The following PRDM16 variants were observed in gnomAD, a reference collection of about 807,000 sequenced individuals.
PRDM16 encodes histone-lysine N-methyltransferase PRDM16.
Under a neutral mutation model 110.6 loss-of-function variants are expected in PRDM16, and 23 were observed. The observed-to-expected ratio is 0.21, with a 90% CI of 0.15 to 0.29. PRDM16 has a LOEUF of 0.29. Ranked by LOEUF, PRDM16 falls within the 10% of genes least tolerant of loss-of-function variation. The pLI, the probability that PRDM16 is intolerant of heterozygous loss-of-function variation, is 1.00. For missense variants in PRDM16, 1,615 were observed against 1,794.3 expected, an observed-to-expected ratio of 0.90 and a Z score of 1.81; for synonymous variants, 799 against 781.8, an observed-to-expected ratio of 1.02 and a Z score of -0.37.
chr1:3,149,155 G>A (rs895861311), intron 1 of PRDM16, among the ~76,000 whole-genome samples: 5 of 152,328 alleles, frequency 3.3e-5, no homozygotes, highest in Admixed American at 2.0e-4. Flanking sequence ...CAAGCCTGGG[G>A]GTGGGGGGCA....
rs748918899 is a variant in PRDM16 at position 3,339,311 on chromosome 1, C to T, written c.439-45841C>T. On this transcript the variant is annotated intron_variant, in intron 3 of 16. Transcript: ENST00000270722. This position sits in a 1 kb window ranked among gnomAD's most constrained non-coding sequence, Gnocchi z 5.0. ...CCTGCTTGTCTCGGTATCCCTGGCCCTTGCCCAGGGTGAGGCACAGGGTGG... is the reference window on the plus strand; with the variant it reads ...CCTGCTTGTCTCGGTATCCCTGGCCTTTGCCCAGGGTGAGGCACAGGGTGG... Among the ~76,000 whole-genome samples, 6 of 152,080 alleles carry T rather than the reference C, an allele frequency of 3.9e-5. No homozygotes were observed. The highest frequency in any genetic ancestry group is 8.8e-5 in the Non-Finnish European group (6 of 68,016).
intron 1 of PRDM16, among the ~76,000 whole-genome samples, chr1:3,073,881 G>T (rs1641826981): frequency 6.6e-6 from 1 of 152,122 alleles, no homozygotes; most frequent in African/African-American, 2.4e-5. Context: ...GAGGAGGGCG[G>T]CCTCCGCGTC....
At chr1:3,352,664 C>T (rs565009224) in intron 3 of PRDM16, among the ~76,000 whole-genome samples, 2 of 152,360 alleles carry the variant, frequency 1.3e-5, no homozygotes, top group Non-Finnish European at 2.9e-5. Flanking sequence ...GCCTAATGCA[C>T]GGTATTAATC....
intron 2 of PRDM16, among the ~76,000 whole-genome samples, chr1:3,191,744 T>G (rs762236830): frequency 1.2e-4 from 18 of 152,054 alleles, no homozygotes; most frequent in Non-Finnish European, 2.2e-4. Flanking sequence ...AGGATGACGA[T>G]GGAGTGGGGT....
chr1:3,238,297 C>T (rs1028665854), intron 2 of PRDM16, among the ~76,000 whole-genome samples: 1 of 152,094 alleles, frequency 6.6e-6, no homozygotes. Flanking sequence ...CTGTGCATTT[C>T]AGGACGGGCT....
Position 3,414,541 on chromosome 1 carries a change from C to T in PRDM16, c.2604-19C>T. On this transcript the variant is annotated intron_variant, in intron 9 of 16. Transcript: ENST00000270722. ...CGGGCGGCTCGGTGGGGTACGTAACCCTCTGTGCTGTTGTCCAGCAGGGTA... is the reference window on the plus strand; with the variant it reads ...CGGGCGGCTCGGTGGGGTACGTAACTCTCTGTGCTGTTGTCCAGCAGGGTA... 6.2e-7 allele frequency: 1 copy of T among 1,604,912 alleles called. No homozygotes were observed. The highest frequency in any genetic ancestry group is 1.1e-5 in the South Asian group (1 of 90,474).
chr1:3,095,787 G>A (rs574139485), intron 1 of PRDM16, among the ~76,000 whole-genome samples: 42 of 152,128 alleles, frequency 2.8e-4, no homozygotes, highest in African/African-American at 1.0e-3. Context: ...GATGTATGGG[G>A]GTCCATCTGC....
rs2100647874 is a variant in PRDM16 at position 3,405,595 on chromosome 1, C to T, written c.1133C>T (p.Ser378Phe). ...GACTGCGGGAAGACCTTCGCCACGT[C>T]CTCCGGCCTCAAGCAGCACAAGCAT... ...CPDCGKTFAT[S>F]SGLKQHKHIH... is the part of the protein sequence containing the mutation. The change falls in exon 8 of 17, where the codon TCC (serine) becomes TTC (phenylalanine). Residue 378 changes from serine to phenylalanine, a missense_variant. This residue lies in a region of PRDM16 where 82 missense variants were observed against 144.4 expected (regional missense o/e 0.57). Coordinates refer to ENST00000270722, the MANE Select transcript of PRDM16 (RefSeq NM_022114.4). The T allele has an allele frequency of 1.2e-6, 2 of 1,611,542 alleles. No individual in the cohort carries two copies. Among genetic ancestry groups the T allele is most frequent in the Non-Finnish European group, 1.7e-6 (2 of 1,179,198 alleles).
intron 3 of PRDM16, among the ~76,000 whole-genome samples, chr1:3,321,141 G>T (rs1333206856): frequency 1.3e-5 from 2 of 152,246 alleles, no homozygotes; most frequent in African/African-American, 4.8e-5. Context: ...AGAGGGATCG[G>T]AGAAGTTGGG....
At chr1:3,196,542 C>G (rs780918455) in intron 2 of PRDM16, among the ~76,000 whole-genome samples, 1 of 152,236 alleles carries the variant, frequency 6.6e-6, no homozygotes, top group Admixed American at 6.5e-5. Flanking sequence ...CTGCCTGAAG[C>G]TGGGATTCTG....
At position 3,113,536 on chromosome 1, in the gene PRDM16, C is replaced by T. The variant is rs116434688; in HGVS notation, c.37+44240C>T. Among the ~76,000 whole-genome samples, 5 of 152,100 alleles carry T rather than the reference C, an allele frequency of 3.3e-5. 1 individual carries two copies. Among genetic ancestry groups the T allele is most frequent in the Admixed American group, 2.0e-4 (3 of 15,270 alleles). ...GAGACAGACCCATTATGACCAAGGC[C>T]GAGGCCTGAGCCAGCGGGAGGGGCC... On this transcript the variant is annotated intron_variant, in intron 1 of 16. Transcript: ENST00000270722.
chr1:3,217,815 T>C (rs1639065700), intron 2 of PRDM16, among the ~76,000 whole-genome samples: 1 of 152,222 alleles, frequency 6.6e-6, no homozygotes, highest in Admixed American at 6.5e-5. Context: ...ACGCGCGCTC[T>C]TCCCCCTAGA....
In PRDM16 at chr1:3,104,755, C is replaced by T. The variant is rs987890040; in HGVS notation, c.37+35459C>T. 7.2e-5 allele frequency among the ~76,000 whole-genome samples: 11 copies of T among 152,000 alleles called. No homozygotes were observed. The East Asian group carries it at 7.8e-4, about 11-fold the overall frequency. On this transcript the variant is annotated intron_variant, in intron 1 of 16. Coordinates refer to ENST00000270722, the MANE Select transcript of PRDM16 (RefSeq NM_022114.4). Reference sequence around the variant, plus strand: ...CCACCTCCCCACGTCACCTGGCCCTCGCTGTGCATTCCTGGGCCGTGGCCA... The same window carrying T: ...CCACCTCCCCACGTCACCTGGCCCTTGCTGTGCATTCCTGGGCCGTGGCCA...
intron 1 of PRDM16, among the ~76,000 whole-genome samples, chr1:3,145,680 G>A (rs897348305): frequency 1.4e-4 from 21 of 152,122 alleles, no homozygotes; most frequent in African/African-American, 9.7e-5. Flanking sequence ...TCACTCACCC[G>A]CCCCACCCGC....
chr1:3,147,332 T>A (rs1035442314), intron 1 of PRDM16, among the ~76,000 whole-genome samples: 1 of 151,362 alleles, frequency 6.6e-6, no homozygotes, highest in Non-Finnish European at 1.5e-5. Context: ...GTGTGTGACG[T>A]GGGTGCACCT....
At chr1:3,279,382 G>A (rs922821687) in intron 3 of PRDM16, among the ~76,000 whole-genome samples, 2 of 152,218 alleles carry the variant, frequency 1.3e-5, no homozygotes, top group Non-Finnish European at 1.5e-5. Context: ...CGGTGCCTCG[G>A]GGCAGCTGTG....
At chr1:3,218,508 A>G (rs1639082351) in intron 2 of PRDM16, among the ~76,000 whole-genome samples, 1 of 152,178 alleles carries the variant, frequency 6.6e-6, no homozygotes, top group Non-Finnish European at 1.5e-5. Context: ...GTGCACACAG[A>G]TGTGCCCGCC....
At chr1:3,298,442 T>C (rs1381209032) in intron 3 of PRDM16, among the ~76,000 whole-genome samples, 1 of 152,242 alleles carries the variant, frequency 6.6e-6, no homozygotes, top group African/African-American at 2.4e-5. Context: ...TGAGCTTCGT[T>C]GCTCGATGGA....
At chr1:3,177,247 A>C (rs1230799360) in intron 1 of PRDM16, among the ~76,000 whole-genome samples, 2 of 152,078 alleles carry the variant, frequency 1.3e-5, no homozygotes, top group Non-Finnish European at 2.9e-5. Context: ...TCAGCTATTT[A>C]TCTCTCCATC....
Sources: allele counts gnomAD v4.1 joint callset (sites outside exome capture counted in the v4.1 genomes callset), GRCh38; gene constraint gnomAD v4.1.1; regional missense constraint gnomAD v4.1.1; non-coding constraint Gnocchi (gnomAD v3.1); transcripts MANE v1.5; gene names NCBI Gene and HGNC (gene_info 2026-07-23, HGNC 2026-07-21).